The following ARHGAP23 variants were observed in gnomAD, a reference collection of about 807,000 sequenced individuals.
ARHGAP23 encodes the protein rho GTPase-activating protein 23.
ARHGAP23 carries 34 observed loss-of-function variants against 136.3 expected under a neutral mutation model. That is an observed-to-expected ratio of 0.25 (90% CI 0.19 to 0.33). The LOEUF (loss-of-function observed/expected upper bound fraction) is 0.33. Ranked by LOEUF, ARHGAP23 falls within the 10% of genes least tolerant of loss-of-function variation. The pLI, the probability that ARHGAP23 is intolerant of heterozygous loss-of-function variation, is 1.00. For synonymous variants in ARHGAP23, 832 were observed against 920.5 expected, an observed-to-expected ratio of 0.90 and a Z score of 1.74; for missense variants, 1,808 against 2,139.0, an observed-to-expected ratio of 0.85 and a Z score of 3.05.
chr17:38,434,336 C>T (rs924246886), intron 1 of ARHGAP23, among the ~76,000 whole-genome samples: 3 of 152,186 alleles, frequency 2.0e-5, no homozygotes, highest in East Asian at 1.9e-4. Context: ...GTCCGGGGGT[C>T]GGGGAACAGT....
intron 1 of ARHGAP23, among the ~76,000 whole-genome samples, chr17:38,429,928 C>T (rs1344562367): frequency 6.6e-6 from 1 of 152,190 alleles, no homozygotes; most frequent in African/African-American, 2.4e-5. Flanking sequence ...CTGCCATGTG[C>T]TCCTTGGCAT....
intron 23 of ARHGAP23, among the ~76,000 whole-genome samples, chr17:38,501,585 G>A (rs925136640): frequency 1.4e-4 from 22 of 152,170 alleles, no homozygotes; most frequent in Non-Finnish European, 3.1e-4. Flanking sequence ...ACAGGCGTGA[G>A]TCACTGCGCC....
chr17:38,466,270 C>A lies in ARHGAP23; in HGVS notation c.587C>A (p.Ala196Asp). 1.3e-6 allele frequency: 2 copies of A among 1,548,622 alleles called. No homozygotes were observed. Among genetic ancestry groups the A allele is most frequent in the Non-Finnish European group, 1.7e-6 (2 of 1,146,672 alleles). Residue 196 changes from alanine (A) to aspartate (D), a missense_variant, in exon 7 of 24, where the codon GCC becomes GAC. Transcript: ENST00000622683. ...PPICYPRKTY[A>D]PPARASTRAT... ...ATCTGCTACCCCCGCAAGACCTACG[C>A]CCCTCCTGCCCGGGCCTCCACCAGG...
At chr17:38,450,723 A>G (rs749844762) in intron 1 of ARHGAP23, 6 of 152,334 alleles carry the variant, frequency 3.9e-5, no homozygotes, top group Non-Finnish European at 7.3e-5. Flanking sequence ...AGTTTCTGTA[A>G]CTGAAAAACG....
intron 12 of ARHGAP23, among the ~76,000 whole-genome samples, chr17:38,478,370 A>G (rs1048464770): frequency 4.6e-5 from 7 of 151,496 alleles, no homozygotes; most frequent in African/African-American, 1.7e-4. Context: ...CTTTGGCCAC[A>G]GGTGGGCAGG....
intron 3 of ARHGAP23, among the ~76,000 whole-genome samples, chr17:38,462,628 A>G (rs1338206597): frequency 6.6e-6 from 1 of 152,120 alleles, no homozygotes; most frequent in Non-Finnish European, 1.5e-5. Flanking sequence ...GACTCTTTGT[A>G]TGTCCCCATA....
chr17:38,424,523 G>A (rs116774358), upstream of ARHGAP23, among the ~76,000 whole-genome samples: 1,097 of 152,142 alleles, frequency 7.2e-3, 11 homozygotes, highest in African/African-American at 0.024. Flanking sequence ...CCCAGTCCTT[G>A]TTGCCTCCTC....
chr17:38,484,907 G>A (rs1231933330), intron 16 of ARHGAP23, among the ~76,000 whole-genome samples: 1 of 152,140 alleles, frequency 6.6e-6, no homozygotes, highest in African/African-American at 2.4e-5. Flanking sequence ...GCATTAAGCT[G>A]TGGATCCATT....
intron 1 of ARHGAP23, among the ~76,000 whole-genome samples, chr17:38,447,030 C>G (rs962725716): frequency 6.6e-5 from 10 of 152,124 alleles, no homozygotes; most frequent in Non-Finnish European, 8.8e-5. Flanking sequence ...CCAGGCTGGT[C>G]TTGCACTCCT....
chr17:38,430,798 T>C (rs1390278997), intron 1 of ARHGAP23, among the ~76,000 whole-genome samples: 1 of 152,180 alleles, frequency 6.6e-6, no homozygotes, highest in Non-Finnish European at 1.5e-5. Context: ...AGATATCAAA[T>C]ATTCCAGCAA....
At chr17:38,508,926 T>G (rs2040692819) in intron 23 of ARHGAP23, among the ~76,000 whole-genome samples, 1 of 151,210 alleles carries the variant, frequency 6.6e-6, no homozygotes, top group African/African-American at 2.4e-5. Context: ...CAGGGAGGCC[T>G]GGATAGCAGC....
intron 7 of ARHGAP23, among the ~76,000 whole-genome samples, chr17:38,468,770 C>T (rs1236133108): frequency 6.6e-6 from 1 of 152,198 alleles, no homozygotes; most frequent in East Asian, 1.9e-4. Context: ...GGGGAAGACA[C>T]TGCCCCTGCC....
chr17:38,463,504 C>A, intron 6 of ARHGAP23, 122 bp downstream of exon 6: 1 of 1,176,096 alleles, frequency 8.5e-7, no homozygotes, highest in Non-Finnish European at 1.2e-6. Context: ...GTTGGGGATG[C>A]CAGGCCCCTC....
rs553597069 is a variant in ARHGAP23, at chr17:38,479,680, G to A, written c.2499-73G>A. On this transcript the variant is annotated intron_variant, in intron 13 of 23. Coordinates refer to ENST00000622683, the MANE Select transcript of ARHGAP23 (RefSeq NM_001199417.2). The stretch of plus-strand genomic sequence containing the variant: ...GGGTGGAGGGGAGGTCCCGAGGGGC[G>A]GGAGGCCAGGGTGGGTGGCCTGCTT... 21 of 1,448,250 alleles carry A rather than the reference G, an allele frequency of 1.5e-5. No individual in the cohort carries two copies. In the East Asian group the frequency reaches 3.0e-4, roughly 21 times the overall value. 89.7% of individuals were successfully genotyped at this position (1,448,250 alleles called of 1,614,324 possible).
At chr17:38,481,287 C>CA (rs1312594323) in intron 14 of ARHGAP23, among the ~76,000 whole-genome samples, 1 of 152,130 alleles carries the variant, frequency 6.6e-6, no homozygotes, top group Non-Finnish European at 1.5e-5. Context: ...GCTGGGACTA[C>CA]AGGCGCCCAC....
chr17:38,448,189 C>T (rs986484623), intron 1 of ARHGAP23, among the ~76,000 whole-genome samples: 51 of 152,186 alleles, frequency 3.4e-4, no homozygotes, highest in Non-Finnish European at 1.3e-4. Context: ...AACTGGGGCA[C>T]GTCAAGAGCC....
intron 12 of ARHGAP23, 146 bp from the exon 13 acceptor site, chr17:38,479,290 G>A: frequency 1.6e-6 from 1 of 625,666 alleles, no homozygotes; most frequent in Non-Finnish European, 2.9e-6. Context: ...GAGGGTGCTG[G>A]GGAGTCCAGG....
intron 16 of ARHGAP23, among the ~76,000 whole-genome samples, chr17:38,485,361 G>A (rs1407892370): frequency 6.6e-6 from 1 of 152,206 alleles, no homozygotes; most frequent in Non-Finnish European, 1.5e-5. Context: ...TTAGGGCCAT[G>A]TAAGTACCAG....
In ARHGAP23 at chr17:38,458,326, G is replaced by A. The variant is rs1041298557; in HGVS notation, c.225+63G>A. 41 of 1,447,656 alleles carry A rather than the reference G, an allele frequency of 2.8e-5. No individual in the cohort carries two copies. The Middle Eastern group carries it at 8.9e-4, about 32-fold the overall frequency. The allele number at this position is 1,447,656 out of a possible 1,614,324, so 89.7% of individuals were successfully genotyped here. On this transcript the variant is annotated intron_variant, in intron 2 of 23. Coordinates refer to ENST00000622683, the MANE Select transcript of ARHGAP23 (RefSeq NM_001199417.2). ...TTTCATGAGGGAGGGAGACTCTTTT[G>A]TGCCAGTCCCCTTCATGGTCCTTTC...
Sources: gnomAD v4.1 joint callset for allele counts (sites outside exome capture counted in the v4.1 genomes callset) on GRCh38, gnomAD v4.1.1 for gene constraint, MANE v1.5 for transcripts, NCBI Gene and HGNC (gene_info 2026-07-23, HGNC 2026-07-21) for gene names.